Variants in FAM135A observed in about 807,000 individuals in gnomAD.
FAM135A encodes the protein protein FAM135A.
In FAM135A, 79 loss-of-function variants were observed where a neutral mutation model predicts 146.8. That is an observed-to-expected ratio of 0.54 (90% CI 0.45 to 0.65). FAM135A has a LOEUF of 0.65. FAM135A is among the 30% of genes least tolerant of loss of function. The probability of loss-of-function intolerance (pLI) is 0.00; values close to 1 mark genes in which losing one functional copy is unlikely to be tolerated. For missense variants in FAM135A, 1,623 were observed against 1,758.2 expected (o/e 0.92, Z 1.38); for synonymous variants, 562 against 603.6 (o/e 0.93, Z 1.01).
intron 12 of FAM135A, chr6:70,504,363 G>A (rs1789236933): frequency 6.6e-6 from 1 of 152,010 alleles, no homozygotes; most frequent in African/African-American, 2.4e-5. Flanking sequence ...CCTTTGTTAT[G>A]TGTTTTTACT....
At chr6:70,556,903 A>T (rs1800951438) in intron 21 of FAM135A, 40 bp downstream of exon 21, 7 of 1,557,668 alleles carry the variant, frequency 4.5e-6, no homozygotes, top group Admixed American at 1.7e-5. Context: ...ATAGGTATTA[A>T]TGAGCTCTTT....
At chr6:70,518,887 G>A (rs536785361) in intron 12 of FAM135A, among the ~76,000 whole-genome samples, 17 of 152,248 alleles carry the variant, frequency 1.1e-4, no homozygotes, top group African/African-American at 3.4e-4. Flanking sequence ...GGAGATTAAC[G>A]ATGTTTCCAT....
intron 12 of FAM135A, among the ~76,000 whole-genome samples, chr6:70,515,881 T>A (rs1330613581): frequency 6.6e-6 from 1 of 152,106 alleles, no homozygotes; most frequent in Non-Finnish European, 1.5e-5. Flanking sequence ...AAACTCTTCG[T>A]ACTTTCTGAT....
chr6:70,478,912 T>C (rs1783160009), intron 8 of FAM135A, among the ~76,000 whole-genome samples: 1 of 152,186 alleles, frequency 6.6e-6, no homozygotes, highest in Admixed American at 6.6e-5. Context: ...AATGAAACTT[T>C]TCTAACAAAG....
intron 4 of FAM135A, among the ~76,000 whole-genome samples, chr6:70,452,029 A>G (rs1186536040): frequency 6.7e-6 from 1 of 148,886 alleles, no homozygotes; most frequent in African/African-American, 2.5e-5. Flanking sequence ...TCTGACCTTG[A>G]AAAAAAAAAC....
rs777606180 is a variant in FAM135A, at chr6:70,522,506, T to G, written c.1030-7T>G. The G allele has an allele frequency of 9.9e-6, 16 of 1,612,600 alleles. No homozygotes were observed. The highest frequency in any genetic ancestry group is 1.3e-5 in the Non-Finnish European group (15 of 1,179,012). On this transcript the variant is annotated splice_region_variant and splice_polypyrimidine_tract_variant and intron_variant, in intron 12 of 21. Transcript: ENST00000418814. Reference sequence around the variant, plus strand: ...TGTTATTAATACTCTCCTTTGGAATTTTTTAGGTACGCAGATTTTCTGAGG... The same window carrying G: ...TGTTATTAATACTCTCCTTTGGAATGTTTTAGGTACGCAGATTTTCTGAGG...
chr6:70,413,831 C>A (rs1047580615), intron 1 of FAM135A, 129 bp downstream of exon 1: 1 of 985,526 alleles, frequency 1.0e-6, no homozygotes, highest in Non-Finnish European at 1.2e-6. Flanking sequence ...CGCCGCGGCC[C>A]CTCACCCGAC....
chr6:70,480,770 G>T, intron 8 of FAM135A, 131 bp from the exon 9 acceptor site: 2 of 671,850 alleles, frequency 3.0e-6, no homozygotes, highest in South Asian at 9.1e-5. Flanking sequence ...AATTACTTTA[G>T]GAGTACTTTT....
At chr6:70,517,668 C>T (rs774782264) in intron 12 of FAM135A, among the ~76,000 whole-genome samples, 6 of 152,128 alleles carry the variant, frequency 3.9e-5, no homozygotes, top group African/African-American at 1.2e-4. Context: ...ATCCACCTGC[C>T]TCGGCCTCCC....
intron 5 of FAM135A, among the ~76,000 whole-genome samples, chr6:70,463,197 A>G (rs1582298714): frequency 6.6e-6 from 1 of 151,964 alleles, no homozygotes; most frequent in East Asian, 1.9e-4. Flanking sequence ...CCTTTTTAAA[A>G]CCGTAGGTAA....
At chr6:70,530,953 C>T (rs1795689387) in intron 16 of FAM135A, among the ~76,000 whole-genome samples, 1 of 151,896 alleles carries the variant, frequency 6.6e-6, no homozygotes, top group African/African-American at 2.4e-5. Context: ...CACATTAAAC[C>T]AAAGAAAAAT....
intron 2 of FAM135A, among the ~76,000 whole-genome samples, chr6:70,424,418 T>C (rs552865340): frequency 3.3e-5 from 5 of 152,260 alleles, no homozygotes; most frequent in Non-Finnish European, 7.3e-5. Flanking sequence ...TGGATGTGGT[T>C]CTTAAGCCTG....
At chr6:70,549,679 C>T (rs534856611) in intron 20 of FAM135A, among the ~76,000 whole-genome samples, 62 of 152,154 alleles carry the variant, frequency 4.1e-4, no homozygotes, top group Non-Finnish European at 6.9e-4. Context: ...ATTATCTGAG[C>T]CTTCAGTTAA....
intron 10 of FAM135A, among the ~76,000 whole-genome samples, chr6:70,483,027 A>G (rs527255437): frequency 6.6e-6 from 1 of 152,250 alleles, no homozygotes; most frequent in East Asian, 1.9e-4. Flanking sequence ...TCTTTTAACA[A>G]TATTAGTCCA....
chr6:70,432,133 A>C (rs1459173858), intron 4 of FAM135A, among the ~76,000 whole-genome samples: 2 of 152,122 alleles, frequency 1.3e-5, no homozygotes, highest in African/African-American at 4.8e-5. Flanking sequence ...AGAGGATAGA[A>C]ATGTAATAAC....
At chr6:70,536,636 CAA>C (rs1399482991) in intron 19 of FAM135A, among the ~76,000 whole-genome samples, 2 of 151,992 alleles carry the variant, frequency 1.3e-5, no homozygotes, top group Non-Finnish European at 2.9e-5. Flanking sequence ...TCAAAATTCA[CAA>C]GAGCATTTTT....
At chr6:70,437,113 T>C (rs1773353876) in intron 4 of FAM135A, among the ~76,000 whole-genome samples, 1 of 152,142 alleles carries the variant, frequency 6.6e-6, no homozygotes, top group Admixed American at 6.5e-5. Context: ...AATGAAAAGT[T>C]TTCTGCATCT....
chr6:70,447,850 T>C (rs1776140030), intron 4 of FAM135A, among the ~76,000 whole-genome samples: 1 of 152,214 alleles, frequency 6.6e-6, no homozygotes, highest in South Asian at 2.1e-4. Context: ...TAAAACAAGC[T>C]CCAGGAAGTG....
intron 20 of FAM135A, among the ~76,000 whole-genome samples, chr6:70,555,726 G>T (rs1416443635): frequency 1.3e-5 from 2 of 151,066 alleles, no homozygotes; most frequent in Middle Eastern, 3.4e-3. Flanking sequence ...ATGTGAGAAT[G>T]AAGGGGGGGG....
Sources: allele counts gnomAD v4.1 joint callset (sites outside exome capture counted in the v4.1 genomes callset), GRCh38; gene constraint gnomAD v4.1.1; transcripts MANE v1.5; gene names NCBI Gene and HGNC (gene_info 2026-07-23, HGNC 2026-07-21).